THSD7A: variants seen among roughly 807,000 people sequenced by gnomAD.
THSD7A encodes the protein thrombospondin type-1 domain-containing protein 7A.
Under a neutral mutation model 231.3 loss-of-function variants are expected in THSD7A, and 96 were observed. The ratio of observed to expected loss-of-function variants is 0.41; its 90% CI spans 0.35 to 0.49. The LOEUF is 0.49. Among genes scored for constraint, THSD7A ranks in the 20% least tolerant of loss-of-function variants. THSD7A has a pLI of 0.05. For synonymous variants in THSD7A, 940 were observed against 743.3 expected (o/e 1.26, Z -4.30); for missense variants, 2,290 against 2,070.2 (o/e 1.11, Z -2.06).
At chr7:11,410,456 C>T (rs1458246853) in intron 19 of THSD7A, 1 of 152,168 alleles carries the variant, frequency 6.6e-6, no homozygotes, top group African/African-American at 2.4e-5. Flanking sequence ...TCTATTGAGG[C>T]TCCTACTTAT....
intron 18 of THSD7A, among the ~76,000 whole-genome samples, chr7:11,412,010 A>G (rs1341451799): frequency 6.6e-6 from 1 of 152,178 alleles, no homozygotes; most frequent in African/African-American, 2.4e-5. Context: ...TTTGTTGCAG[A>G]GTGAAAATTA....
At chr7:11,516,148 C>A (rs1583887669) in intron 6 of THSD7A, among the ~76,000 whole-genome samples, 2 of 152,190 alleles carry the variant, frequency 1.3e-5, no homozygotes, top group Admixed American at 1.3e-4. Context: ...ATAAATAAAA[C>A]CTGTAATAAA....
At chr7:11,387,205 G>T (rs1004522004) in intron 23 of THSD7A, among the ~76,000 whole-genome samples, 1 of 152,014 alleles carries the variant, frequency 6.6e-6, no homozygotes, top group Non-Finnish European at 1.5e-5. Context: ...CTCTTTTTTT[G>T]TTCCAGATGA....
intron 1 of THSD7A, among the ~76,000 whole-genome samples, chr7:11,787,640 T>G (rs182134934): frequency 2.0e-4 from 31 of 151,924 alleles, no homozygotes; most frequent in Middle Eastern, 6.3e-3. Context: ...AGATGGCAAA[T>G]AAGCATATGA....
intron 6 of THSD7A, among the ~76,000 whole-genome samples, chr7:11,538,021 C>G (rs75209938): frequency 0.072 from 10,985 of 152,182 alleles, 589 homozygotes; most frequent in East Asian, 0.17. Flanking sequence ...TACTCTTATA[C>G]TGTAACATTA....
chr7:11,491,799 A>G (rs1397587794), intron 6 of THSD7A, among the ~76,000 whole-genome samples: 2 of 149,990 alleles, frequency 1.3e-5, no homozygotes, highest in African/African-American at 4.9e-5. Flanking sequence ...TGATCTCTCC[A>G]GCTTTGCCCT....
intron 6 of THSD7A, among the ~76,000 whole-genome samples, chr7:11,509,225 T>C (rs912621109): frequency 3.3e-5 from 5 of 152,298 alleles, no homozygotes; most frequent in Admixed American, 2.6e-4. Flanking sequence ...ACAGTTTTCT[T>C]TGGGGCTTTG....
chr7:11,602,366 C>A (rs557375238), intron 2 of THSD7A, among the ~76,000 whole-genome samples: 1 of 152,032 alleles, frequency 6.6e-6, no homozygotes, highest in Non-Finnish European at 1.5e-5. Flanking sequence ...AACCTTTCAA[C>A]AAATGTGTAT....
At chr7:11,520,494 A>G (rs964728517) in intron 6 of THSD7A, among the ~76,000 whole-genome samples, 2 of 152,296 alleles carry the variant, frequency 1.3e-5, no homozygotes, top group Non-Finnish European at 2.9e-5. Context: ...TATACTGTAC[A>G]CATGCCACCA....
At chr7:11,419,713 C>T (rs868089326) in intron 16 of THSD7A, among the ~76,000 whole-genome samples, 13 of 152,112 alleles carry the variant, frequency 8.5e-5, no homozygotes, top group South Asian at 4.1e-4. Flanking sequence ...AGGAAGATGA[C>T]GGAACGTTTG....
At chr7:11,492,458 A>C (rs1239240899) in intron 6 of THSD7A, among the ~76,000 whole-genome samples, 5 of 152,058 alleles carry the variant, frequency 3.3e-5, no homozygotes, top group Non-Finnish European at 7.4e-5. Context: ...CTTAAATATA[A>C]CTATATTTGA....
At chr7:11,573,127 G>T (rs1048086453) in intron 4 of THSD7A, among the ~76,000 whole-genome samples, 1 of 152,114 alleles carries the variant, frequency 6.6e-6, no homozygotes, top group African/African-American at 2.4e-5. Context: ...GAGACCTGAG[G>T]TGCTCAACAA....
chr7:11,634,823 T>A lies in THSD7A; in HGVS notation c.1022+1307A>T, dbSNP rs994512201. Among the ~76,000 whole-genome samples, 2 of 152,156 alleles carry A rather than the reference T, an allele frequency of 1.3e-5. No individual in the cohort carries two copies. The highest frequency in any genetic ancestry group is 6.5e-5 in the Admixed American group (1 of 15,270). On this transcript the variant is annotated intron_variant, in intron 2 of 27. Transcript: ENST00000423059. The surrounding 1 kb of genome is among the most constrained non-coding windows in gnomAD (Gnocchi z 4.1). ...CCAGAACTCTATGATGAGAGAAAGT[T>A]ATTGTCTTAGACAGACCAATCAATT...
At chr7:11,403,734 G>T (rs1039607560) in intron 22 of THSD7A, among the ~76,000 whole-genome samples, 1 of 151,960 alleles carries the variant, frequency 6.6e-6, no homozygotes, top group African/African-American at 2.4e-5. Flanking sequence ...TGTAATTTTC[G>T]CCCCTAAGTA....
intron 1 of THSD7A, among the ~76,000 whole-genome samples, chr7:11,680,498 T>C (rs10225716): frequency 0.035 from 5,319 of 152,072 alleles, 308 homozygotes; most frequent in African/African-American, 0.12. Flanking sequence ...CTTAAACAAA[T>C]TTACAAGAAA....
intron 1 of THSD7A, among the ~76,000 whole-genome samples, chr7:11,711,214 C>A (rs1780951599): frequency 6.6e-6 from 1 of 150,778 alleles, no homozygotes; most frequent in Admixed American, 6.6e-5. Flanking sequence ...TACTTTTGTG[C>A]CAGAGTCATT....
At chr7:11,809,686 G>A (rs1784479961) in intron 1 of THSD7A, among the ~76,000 whole-genome samples, 2 of 152,044 alleles carry the variant, frequency 1.3e-5, no homozygotes, top group South Asian at 4.1e-4. Flanking sequence ...AAACTCAAAG[G>A]AATTATTTTA....
At chr7:11,544,756 G>A (rs977632499) in intron 4 of THSD7A, among the ~76,000 whole-genome samples, 1 of 151,986 alleles carries the variant, frequency 6.6e-6, no homozygotes, top group East Asian at 1.9e-4. Flanking sequence ...CCAATTTTAT[G>A]TCTGCTTTTC....
chr7:11,595,294 C>T (rs1252138325), intron 2 of THSD7A, among the ~76,000 whole-genome samples: 1 of 152,074 alleles, frequency 6.6e-6, no homozygotes, highest in African/African-American at 2.4e-5. Flanking sequence ...TGCTTGAATT[C>T]TCTAATTAAT....
Sources: allele counts gnomAD v4.1 joint callset (sites outside exome capture counted in the v4.1 genomes callset), GRCh38; gene constraint gnomAD v4.1.1; non-coding constraint Gnocchi (gnomAD v3.1); transcripts MANE v1.5; gene names NCBI Gene and HGNC (gene_info 2026-07-23, HGNC 2026-07-21).